The following CEP192 variants were observed in gnomAD, a reference collection of about 807,000 sequenced individuals.
The protein encoded by CEP192 is centrosomal protein of 192 kDa.
Under a neutral mutation model 271.8 loss-of-function variants are expected in CEP192, and 151 were observed. The observed-to-expected ratio is 0.56, with a 90% CI of 0.49 to 0.64. The LOEUF is 0.64. CEP192 is among the 30% of genes least tolerant of loss of function. CEP192 has a pLI of 0.00. For synonymous variants in CEP192, 995 were observed against 1,076.5 expected (o/e 0.92, Z 1.48); for missense variants, 2,910 against 3,020.5 (o/e 0.96, Z 0.86).
intron 4 of CEP192, among the ~76,000 whole-genome samples, chr18:13,011,226 C>CAA (rs200151034): frequency 1.3e-4 from 17 of 130,068 alleles, no homozygotes; most frequent in South Asian, 4.8e-4. Flanking sequence ...GACTCTGTCT[C>CAA]AAAAAAAAAA....
chr18:13,100,089 A>G (rs2039634258), intron 37 of CEP192, among the ~76,000 whole-genome samples: 2 of 152,200 alleles, frequency 1.3e-5, no homozygotes, highest in Non-Finnish European at 1.5e-5. Flanking sequence ...AGAAGTGATT[A>G]CTGATTTTCG....
intron 30 of CEP192, among the ~76,000 whole-genome samples, chr18:13,075,209 C>T (rs572232699): frequency 4.6e-5 from 7 of 152,200 alleles, no homozygotes; most frequent in Non-Finnish European, 1.0e-4. Flanking sequence ...TGCCTTCTGC[C>T]ATGCGAGGAC....
chr18:12,997,380 G>C (rs2033321319), intron 1 of CEP192, among the ~76,000 whole-genome samples: 1 of 152,296 alleles, frequency 6.6e-6, no homozygotes, highest in Non-Finnish European at 1.5e-5. Context: ...GGGGGAATCT[G>C]TGCAGGAGGA....
intron 44 of CEP192, among the ~76,000 whole-genome samples, chr18:13,118,610 A>G (rs1216178674): frequency 6.6e-6 from 1 of 152,256 alleles, no homozygotes; most frequent in Admixed American, 6.5e-5. Flanking sequence ...GGCACAAACT[A>G]TAGATTTTAG....
intron 30 of CEP192, among the ~76,000 whole-genome samples, chr18:13,084,754 G>A (rs2038808606): frequency 6.6e-6 from 1 of 152,070 alleles, no homozygotes; most frequent in Non-Finnish European, 1.5e-5. Context: ...CAGCCATCTT[G>A]AAACGGAGTC....
intron 14 of CEP192, among the ~76,000 whole-genome samples, chr18:13,041,635 G>T (rs180977117): frequency 6.8e-6 from 1 of 147,892 alleles, no homozygotes; most frequent in South Asian, 2.1e-4. Context: ...GCGTGATCTC[G>T]GCTCACTGCA....
chr18:13,078,245 C>T (rs1186549411), intron 30 of CEP192, among the ~76,000 whole-genome samples: 1 of 152,160 alleles, frequency 6.6e-6, no homozygotes, highest in African/African-American at 2.4e-5. Flanking sequence ...ATCCATGTCC[C>T]TGCAAAGGAC....
chr18:13,025,666 A>C (rs1470495392), intron 9 of CEP192, among the ~76,000 whole-genome samples: 1 of 152,212 alleles, frequency 6.6e-6, no homozygotes, highest in East Asian at 1.9e-4. Context: ...CTTTCAGATA[A>C]CATTACACTG....
rs754318581 is a variant in CEP192, at chr18:13,118,145, CT to C, written c.7475+506del. On this transcript the variant is annotated intron_variant, in intron 44 of 44. Transcript: ENST00000506447. The stretch of plus-strand genomic sequence containing the variant: ...TTTTCTTGTCGCTCTTGCTAATTTT[CT>C]TTTCTATATGATGCACATTTAGGTT... 2.6e-5 allele frequency among the ~76,000 whole-genome samples: 4 copies of C among 152,246 alleles called. 1 individual carries two copies.
Position 13,056,085 on chromosome 18 carries a change from C to G in CEP192, c.3495C>G (p.Ile1165Met). 6.2e-7 allele frequency: 1 copy of G among 1,613,636 alleles called. No homozygotes were observed. Among genetic ancestry groups the G allele is most frequent in the Non-Finnish European group, 8.5e-7 (1 of 1,179,694 alleles). Residue 1165 changes from isoleucine to methionine, a missense_variant, in exon 19 of 45, where the codon ATC becomes ATG. By Grantham distance (10) the Ile-to-Met change is conservative. Coordinates refer to ENST00000506447, the MANE Select transcript of CEP192 (RefSeq NM_032142.4). ...CAAACCCTGAGGAATTGGACCCGAT[C>G]AGGCTGGCTCTCCTGGGCAAGTCAG... ...WTSNPEELDP[I>M]RLALLGKSGL...
intron 40 of CEP192, among the ~76,000 whole-genome samples, chr18:13,112,969 T>A (rs1467192584): frequency 3.9e-5 from 6 of 152,252 alleles, no homozygotes; most frequent in Admixed American, 3.9e-4. Context: ...AAAATGCTGT[T>A]TTTAAACATT....
Position 13,028,972 on chromosome 18 carries a change from C to T in CEP192, c.1051-691C>T, listed in dbSNP as rs550490867. Among the ~76,000 whole-genome samples, 19 of 152,326 alleles carry T rather than the reference C, an allele frequency of 1.2e-4. 1 individual carries two copies. The South Asian group carries it at 3.9e-3, about 32-fold the overall frequency. On this transcript the variant is annotated intron_variant, in intron 9 of 44. Transcript: ENST00000506447. ...TGTAACTTTCAGAAACTGTGCCTTA[C>T]CAGGTTGTTCTTATTGCTTGTCTTA...
chr18:13,047,108 G>T (rs1334427767), intron 15 of CEP192, among the ~76,000 whole-genome samples: 5 of 152,116 alleles, frequency 3.3e-5, no homozygotes, highest in African/African-American at 1.2e-4. Flanking sequence ...AAAAATCGTT[G>T]AAATAATTTG....
chr18:13,042,153 G>C (rs939084385), intron 14 of CEP192, 51 bp from the exon 15 acceptor site: 13 of 1,494,072 alleles, frequency 8.7e-6, no homozygotes, highest in Non-Finnish European at 1.2e-5. Flanking sequence ...CACAGACTGT[G>C]TTTGTCAAAT....
intron 15 of CEP192, among the ~76,000 whole-genome samples, chr18:13,044,752 CTCTT>C (rs1356220071): frequency 3.9e-5 from 6 of 152,230 alleles, no homozygotes; most frequent in East Asian, 3.9e-4. Flanking sequence ...GAGATGAATG[CTCTT>C]TCTTATAATG....
At chr18:13,124,362 CCT>C (rs2040809684) in intron 44 of CEP192, 1 of 293,978 alleles carries the variant, frequency 3.4e-6, no homozygotes, top group African/African-American at 2.1e-5. Context: ...ATAGTTTAGA[CCT>C]CTTATTTTCC....
At chr18:13,088,319 G>A (rs115407682) in intron 32 of CEP192, among the ~76,000 whole-genome samples, 5,307 of 151,978 alleles carry the variant, frequency 0.035, 280 homozygotes, top group African/African-American at 0.12. Context: ...GTGTGATGGT[G>A]TGCACCTGTA....
chr18:13,075,589 C>T (rs561534252), intron 30 of CEP192, among the ~76,000 whole-genome samples: 2 of 152,066 alleles, frequency 1.3e-5, no homozygotes, highest in South Asian at 4.2e-4. Flanking sequence ...AGAGAGCAGC[C>T]CTCACCAGAA....
intron 21 of CEP192, among the ~76,000 whole-genome samples, chr18:13,062,088 T>C (rs2037439246): frequency 6.6e-6 from 1 of 152,212 alleles, no homozygotes; most frequent in Non-Finnish European, 1.5e-5. Context: ...AGTGGTTCCC[T>C]ACTGGTGTGC....
Sources: gnomAD v4.1 joint callset for allele counts (sites outside exome capture counted in the v4.1 genomes callset) on GRCh38, gnomAD v4.1.1 for gene constraint, MANE v1.5 for transcripts, NCBI Gene and HGNC (gene_info 2026-07-23, HGNC 2026-07-21) for gene names.